The following CREB3L2 variants were observed in gnomAD, a reference collection of about 807,000 sequenced individuals.
CREB3L2 encodes cyclic AMP-responsive element-binding protein 3-like protein 2.
CREB3L2 carries 23 observed loss-of-function variants against 57.2 expected under a neutral mutation model. The ratio of observed to expected loss-of-function variants is 0.40; its 90% CI spans 0.29 to 0.57. CREB3L2 has a LOEUF of 0.57. Among genes scored for constraint, CREB3L2 ranks in the 20% least tolerant of loss-of-function variants. The probability of loss-of-function intolerance (pLI) is 0.42; values close to 1 mark genes in which losing one functional copy is unlikely to be tolerated. For missense variants in CREB3L2, 628 were observed against 634.7 expected (o/e 0.99, Z 0.11); for synonymous variants, 268 against 265.1 (o/e 1.01, Z -0.11).
chr7:137,976,227 G>A (rs939244468), intron 1 of CREB3L2, among the ~76,000 whole-genome samples: 11 of 152,188 alleles, frequency 7.2e-5, no homozygotes, highest in Admixed American at 2.0e-4. Context: ...TAAATATATG[G>A]CCACCCAGCC....
chr7:137,913,813 C>T (rs1264753879), intron 3 of CREB3L2, among the ~76,000 whole-genome samples: 1 of 152,018 alleles, frequency 6.6e-6, no homozygotes, highest in Admixed American at 6.5e-5. Context: ...TGAGGATTCC[C>T]AAGACTACAG....
intron 2 of CREB3L2, 146 bp downstream of exon 2, chr7:137,928,004 C>T (rs2117240156): frequency 2.8e-6 from 2 of 720,944 alleles, no homozygotes; most frequent in East Asian, 2.7e-5. Flanking sequence ...CTTTTCCCCA[C>T]AGCCCAAGCA....
At chr7:137,885,528 G>A (rs772268220) in intron 8 of CREB3L2, 26 bp from the exon 9 acceptor site, 1 of 1,561,736 alleles carries the variant, frequency 6.4e-7, no homozygotes, top group Admixed American at 1.7e-5. Flanking sequence ...ACAGCCGTGA[G>A]GGGAGTCTGA....
intron 1 of CREB3L2, among the ~76,000 whole-genome samples, chr7:137,928,790 A>G (rs1800541523): frequency 6.6e-6 from 1 of 152,148 alleles, no homozygotes. Flanking sequence ...ATCACGCATC[A>G]TTACACCCTC....
At chr7:137,930,449 T>C (rs541729530) in intron 1 of CREB3L2, among the ~76,000 whole-genome samples, 1 of 152,308 alleles carries the variant, frequency 6.6e-6, no homozygotes, top group South Asian at 2.1e-4. Context: ...AACTGAAGTG[T>C]CAATGAAGGC....
intron 1 of CREB3L2, among the ~76,000 whole-genome samples, chr7:137,931,297 C>T (rs539384005): frequency 2.6e-5 from 4 of 151,642 alleles, no homozygotes; most frequent in East Asian, 1.9e-4. Context: ...CTGAGATGGG[C>T]GGATCATGAG....
Position 137,924,434 on chromosome 7 carries a change from A to G in CREB3L2, c.319+3716T>C, listed in dbSNP as rs1800405195. On this transcript the variant is annotated intron_variant, in intron 2 of 11. Transcript: ENST00000330387. ...CAAAATTAAAGGACAATGCAAATGC[A>G]TACCTAGCATCCCAACTGAATTACA... is the stretch of plus-strand genomic sequence containing the variant. Among the ~76,000 whole-genome samples the G allele has an allele frequency of 2.0e-5, 3 of 152,248 alleles. No homozygotes were observed. In the South Asian group the frequency reaches 6.2e-4, roughly 31 times the overall value.
intron 1 of CREB3L2, among the ~76,000 whole-genome samples, chr7:137,960,809 C>T (rs370310473): frequency 4.0e-3 from 386 of 95,358 alleles, no homozygotes; most frequent in Middle Eastern, 0.015. Flanking sequence ...TAAATTATTT[C>T]TTTTTTTTTT....
chr7:137,894,391 C>A (rs373790070), intron 8 of CREB3L2, among the ~76,000 whole-genome samples: 42 of 152,276 alleles, frequency 2.8e-4, no homozygotes, highest in African/African-American at 1.0e-3. Flanking sequence ...AATCTCATAT[C>A]TTCTATAAAT....
At chr7:137,907,560 C>A (rs983228237) in intron 5 of CREB3L2, among the ~76,000 whole-genome samples, 16 of 152,318 alleles carry the variant, frequency 1.1e-4, no homozygotes, top group African/African-American at 3.6e-4. Context: ...ATGGTACTTA[C>A]AGAATTTTAA....
chr7:138,001,307 G>A lies in CREB3L2; in HGVS notation c.102+297C>T, dbSNP rs768717649. 6.6e-6 allele frequency among the ~76,000 whole-genome samples: 1 copy of A among 152,024 alleles called. No homozygotes were observed. Among genetic ancestry groups the A allele is most frequent in the Non-Finnish European group, 1.5e-5 (1 of 68,006 alleles). On this transcript the variant is annotated intron_variant, in intron 1 of 11. Coordinates refer to ENST00000330387, the MANE Select transcript of CREB3L2 (RefSeq NM_194071.4). The surrounding 1 kb of genome is among the most constrained non-coding windows in gnomAD (Gnocchi z 4.2). Reference sequence around the variant, plus strand: ...TCTCAAAACACACACTCCCTCTCCCGCATTACAGTACTGTTAACAACAGCA... The same window carrying A: ...TCTCAAAACACACACTCCCTCTCCCACATTACAGTACTGTTAACAACAGCA...
intron 1 of CREB3L2, among the ~76,000 whole-genome samples, chr7:137,991,097 G>A (rs574514378): frequency 2.0e-5 from 3 of 151,986 alleles, no homozygotes; most frequent in Admixed American, 6.5e-5. Context: ...TTGCCCAAAT[G>A]AAATACACAA....
chr7:137,923,682 C>T (rs965976129), intron 2 of CREB3L2, among the ~76,000 whole-genome samples: 4 of 152,232 alleles, frequency 2.6e-5, no homozygotes, highest in Non-Finnish European at 5.9e-5. Flanking sequence ...AAACCTAAGT[C>T]ATCTCTGACT....
At chr7:137,943,799 G>A (rs886109291) in intron 1 of CREB3L2, among the ~76,000 whole-genome samples, 5 of 152,126 alleles carry the variant, frequency 3.3e-5, no homozygotes, top group Non-Finnish European at 5.9e-5. Context: ...GGGCCCCTGG[G>A]CACTCAGTGC....
intron 1 of CREB3L2, among the ~76,000 whole-genome samples, chr7:137,975,367 A>G (rs562103539): frequency 1.4e-4 from 22 of 152,278 alleles, no homozygotes; most frequent in Admixed American, 1.4e-3. Flanking sequence ...CCCACAAATG[A>G]GTCCCATATT....
chr7:137,884,114 T>C (rs1045009986), intron 10 of CREB3L2, among the ~76,000 whole-genome samples: 4 of 152,154 alleles, frequency 2.6e-5, no homozygotes, highest in Non-Finnish European at 2.9e-5. Flanking sequence ...CACGCCACTC[T>C]CCTGCCTCAG....
intron 1 of CREB3L2, among the ~76,000 whole-genome samples, chr7:137,960,327 T>G (rs1801297073): frequency 6.6e-6 from 1 of 152,188 alleles, no homozygotes; most frequent in Non-Finnish European, 1.5e-5. Flanking sequence ...ACATAGACTT[T>G]CCATAAGAAT....
At chr7:137,940,966 G>A (rs968707847) in intron 1 of CREB3L2, among the ~76,000 whole-genome samples, 3 of 152,206 alleles carry the variant, frequency 2.0e-5, no homozygotes, top group African/African-American at 4.8e-5. Context: ...AGGGAATCCC[G>A]CAGGTCAGCA....
chr7:137,948,482 G>C lies in CREB3L2; in HGVS notation c.103-20116C>G, dbSNP rs567185474. On this transcript the variant is annotated intron_variant, in intron 1 of 11. Transcript: ENST00000330387. Reference sequence around the variant, plus strand: ...AAAGTTGGAATAAAACAAATGTATTGGAATTTTGGTGTCTCAGTTCCATGT... The same window carrying C: ...AAAGTTGGAATAAAACAAATGTATTCGAATTTTGGTGTCTCAGTTCCATGT... Among the ~76,000 whole-genome samples, 5 of 152,234 alleles carry C rather than the reference G, an allele frequency of 3.3e-5. No individual in the cohort carries two copies. In the South Asian group the frequency reaches 1.0e-3, roughly 32 times the overall value.
Sources: gnomAD v4.1 joint callset for allele counts (sites outside exome capture counted in the v4.1 genomes callset) on GRCh38, gnomAD v4.1.1 for gene constraint, Gnocchi (gnomAD v3.1) non-coding constraint, MANE v1.5 for transcripts, NCBI Gene and HGNC (gene_info 2026-07-23, HGNC 2026-07-21) for gene names.